The following PLD3 variants were observed in gnomAD, a reference collection of about 807,000 sequenced individuals.
PLD3 encodes the protein 5'-3' exonuclease PLD3.
Under a neutral mutation model 58.4 loss-of-function variants are expected in PLD3, and 31 were observed. That is an observed-to-expected ratio of 0.53 (90% CI 0.40 to 0.72). The LOEUF is 0.72. Among genes scored for constraint, PLD3 ranks in the 30% least tolerant of loss-of-function variants. The pLI, the probability that PLD3 is intolerant of heterozygous loss-of-function variation, is 0.00. For synonymous variants in PLD3, 264 were observed against 273.4 expected, an observed-to-expected ratio of 0.97 and a Z score of 0.34; for missense variants, 595 against 659.8, an observed-to-expected ratio of 0.90 and a Z score of 1.08.
chr19:40,373,019 A>G (rs942396498), intron 9 of PLD3, among the ~76,000 whole-genome samples: 2 of 152,186 alleles, frequency 1.3e-5, no homozygotes, highest in African/African-American at 4.8e-5. Flanking sequence ...GCAGATACTG[A>G]TCACTCTGGA....
intron 8 of PLD3, 198 bp downstream of exon 8, chr19:40,370,435 G>A: frequency 4.0e-6 from 2 of 503,440 alleles, no homozygotes; most frequent in Non-Finnish European, 6.8e-6. Context: ...CACTTTGGGA[G>A]GCCAAGGTGG....
At chr19:40,361,312 T>C (rs1175308752) in intron 1 of PLD3, among the ~76,000 whole-genome samples, 2 of 152,156 alleles carry the variant, frequency 1.3e-5, no homozygotes, top group Non-Finnish European at 2.9e-5. Context: ...GGTTTCTCCA[T>C]GTTGGTCAGG....
intron 11 of PLD3, 59 bp from the exon 12 acceptor site, chr19:40,377,727 G>T (rs1462786066): frequency 8.1e-7 from 1 of 1,240,944 alleles, no homozygotes; most frequent in Non-Finnish European, 1.2e-6. Flanking sequence ...CCCTGATCCC[G>T]GGGCTCCTCC....
intron 1 of PLD3, chr19:40,355,833 C>T (rs576240590): frequency 6.6e-6 from 1 of 152,196 alleles, no homozygotes; most frequent in African/African-American, 2.4e-5. Flanking sequence ...ATAGGAGAGA[C>T]GAACCCATCA....
At chr19:40,367,997 A>C (rs1366669125) in intron 6 of PLD3, 118 bp downstream of exon 6, 1 of 847,338 alleles carries the variant, frequency 1.2e-6, no homozygotes, top group Non-Finnish European at 1.8e-6. Flanking sequence ...TGTCTCACAC[A>C]GCAGATTGGA....
chr19:40,368,873 C>T (rs754273939), intron 6 of PLD3, among the ~76,000 whole-genome samples: 6 of 151,516 alleles, frequency 4.0e-5, no homozygotes, highest in African/African-American at 9.7e-5. Flanking sequence ...TGCAGCGAGC[C>T]GTGATCATGC....
rs577863440 is a variant in PLD3 at position 40,375,574 on chromosome 19, C to T, written c.1019+954C>T. ...CTGAGGCAGGAGAATCGCTTGAACCCGGGAGTCGGAGGTTGCAGTGAGCCA... is the reference window on the plus strand; with the variant it reads ...CTGAGGCAGGAGAATCGCTTGAACCTGGGAGTCGGAGGTTGCAGTGAGCCA... On this transcript the variant is annotated intron_variant, in intron 10 of 12. Coordinates refer to ENST00000409735, the MANE Select transcript of PLD3 (RefSeq NM_012268.4). Among the ~76,000 whole-genome samples, 86 of 149,460 alleles carry T rather than the reference C, an allele frequency of 5.8e-4. 1 individual carries two copies. The highest frequency in any genetic ancestry group is 1.9e-3 in the African/African-American group (78 of 40,502).
At position 40,366,811 on chromosome 19, in the gene PLD3, T is replaced by C. The variant is rs1242854725; in HGVS notation, c.141T>C (p.Val47=). 4 of 1,613,990 alleles carry C rather than the reference T, an allele frequency of 2.5e-6. No homozygotes were observed. The highest frequency in any genetic ancestry group is 2.2e-5 in the South Asian group (2 of 91,088). The change falls in exon 5 of 13, where the codon GTT becomes GTC. Residue 47 remains valine, a synonymous_variant. Coordinates refer to ENST00000409735, the MANE Select transcript of PLD3 (RefSeq NM_012268.4). ...TCCTGCTGGTCCTCATTCTGGCGGTTGTGGGCTTCGGAGCCCTGATGACTC... is the reference window on the plus strand; with the variant it reads ...TCCTGCTGGTCCTCATTCTGGCGGTCGTGGGCTTCGGAGCCCTGATGACTC... ...RWVLLVLILA[V]VGFGALMTQL...
rs1010639471 is a variant in PLD3 at position 40,371,104 on chromosome 19, G to A, written c.679-569G>A. Among the ~76,000 whole-genome samples, 24 of 152,228 alleles carry A rather than the reference G, an allele frequency of 1.6e-4. 1 individual carries two copies. The highest frequency in any genetic ancestry group is 9.8e-4 in the Admixed American group (15 of 15,286). On this transcript the variant is annotated intron_variant, in intron 8 of 12. Coordinates refer to ENST00000409735, the MANE Select transcript of PLD3 (RefSeq NM_012268.4). ...ATCCCTGAAGGATAGGGAGGAATTA[G>A]CGCAAGATGGAACAGGAAACAGCTT...
chr19:40,366,997 C>G (rs1006294512), intron 5 of PLD3, 82 bp downstream of exon 5: 3 of 1,451,590 alleles, frequency 2.1e-6, no homozygotes, highest in Non-Finnish European at 2.8e-6. Flanking sequence ...AGGGCCTGCA[C>G]TCAGCCCTAC....
intron 7 of PLD3, 28 bp downstream of exon 7, chr19:40,370,056 C>T: frequency 6.4e-7 from 1 of 1,573,476 alleles, no homozygotes; most frequent in Non-Finnish European, 8.6e-7. Flanking sequence ...TGGGGCTGGT[C>T]TGGGCCTGGG....
rs1276550090 is a variant in PLD3, at chr19:40,370,013, G to A, written c.535G>A (p.Ala179Thr). ...GCCCCAGCCACAGGCGGACCTGCAG[G>A]CTCTGCTGCAGAGCGGTGAGCTGGG... is the stretch of plus-strand genomic sequence containing the variant. Reference protein sequence around the residue: ...SGPQPQADLQALLQSGAQVRM... With the variant: ...SGPQPQADLQTLLQSGAQVRM... Residue 179 changes from alanine (A) to threonine (T), a missense_variant, in exon 7 of 13, where the codon GCT (alanine) becomes ACT (threonine). Ala to Thr is a moderately conservative substitution (Grantham distance 58). Coordinates refer to ENST00000409735, the MANE Select transcript of PLD3 (RefSeq NM_012268.4). The A allele has an allele frequency of 1.3e-6, 2 of 1,561,788 alleles. No individual in the cohort carries two copies. Among genetic ancestry groups the A allele is most frequent in the African/African-American group, 1.4e-5 (1 of 73,574 alleles).
chr19:40,356,655 A>G (rs1182552000), intron 1 of PLD3: 1 of 152,596 alleles, frequency 6.6e-6, no homozygotes, highest in African/African-American at 2.4e-5. Flanking sequence ...AGTTGGGGAC[A>G]TAGTAGGTGT....
chr19:40,377,145 G>A (rs1426922001), intron 11 of PLD3, among the ~76,000 whole-genome samples: 2 of 140,278 alleles, frequency 1.4e-5, no homozygotes, highest in African/African-American at 5.3e-5. Flanking sequence ...AGAGGGGTTA[G>A]GGCCAGGGTT....
chr19:40,349,324 A>C (rs1265406891), intron 1 of PLD3, among the ~76,000 whole-genome samples: 1 of 152,020 alleles, frequency 6.6e-6, no homozygotes, highest in African/African-American at 2.4e-5. Flanking sequence ...TGTTCCTCTG[A>C]CCAGTCACCA....
chr19:40,357,677 T>C (rs2078685409), intron 1 of PLD3: 1 of 152,212 alleles, frequency 6.6e-6, no homozygotes, highest in African/African-American at 2.4e-5. Flanking sequence ...TGCTGCTCCA[T>C]TTCTTCTGCT....
At chr19:40,351,134 G>A (rs543924481) in intron 1 of PLD3, among the ~76,000 whole-genome samples, 29 of 152,136 alleles carry the variant, frequency 1.9e-4, no homozygotes, top group African/African-American at 7.0e-4. Flanking sequence ...GAGGCTGAGA[G>A]GTGGGGGGAT....
chr19:40,350,934 C>T (rs576821824), intron 1 of PLD3, among the ~76,000 whole-genome samples: 1 of 152,002 alleles, frequency 6.6e-6, no homozygotes, highest in South Asian at 2.1e-4. Flanking sequence ...GAAACAAATA[C>T]TTGAAGGAGA....
chr19:40,373,692 G>A (rs1247105281), intron 9 of PLD3, among the ~76,000 whole-genome samples: 1 of 151,094 alleles, frequency 6.6e-6, no homozygotes. Flanking sequence ...AATCAGGGAA[G>A]AAAGTGACTC....
Sources: gnomAD v4.1 joint callset for allele counts (sites outside exome capture counted in the v4.1 genomes callset) on GRCh38, gnomAD v4.1.1 for gene constraint, MANE v1.5 for transcripts, NCBI Gene and HGNC (gene_info 2026-07-23, HGNC 2026-07-21) for gene names.